Variants in SMAD2 observed in about 807,000 individuals in gnomAD.
SMAD2 encodes the protein MAD homolog 2.
In SMAD2, 8 loss-of-function variants were observed where a neutral mutation model predicts 64.4. That is an observed-to-expected ratio of 0.12 (90% CI 0.07 to 0.22). The LOEUF is 0.22. Among genes scored for constraint, SMAD2 ranks in the 10% least tolerant of loss-of-function variants. The pLI, the probability that SMAD2 is intolerant of heterozygous loss-of-function variation, is 1.00. For synonymous variants in SMAD2, 203 were observed against 195.8 expected (o/e 1.04, Z -0.31); for missense variants, 289 against 561.2 (o/e 0.51, Z 4.90).
chr18:47,861,094 G>A (rs181672533), intron 6 of SMAD2, among the ~76,000 whole-genome samples: 3 of 152,256 alleles, frequency 2.0e-5, no homozygotes, highest in South Asian at 2.1e-4. Flanking sequence ...AGTGGCTCAC[G>A]GCTGTAATCC....
intron 6 of SMAD2, among the ~76,000 whole-genome samples, chr18:47,864,721 G>A (rs1372273525): frequency 6.6e-6 from 1 of 151,994 alleles, no homozygotes; most frequent in Non-Finnish European, 1.5e-5. Flanking sequence ...GAGTAATTAT[G>A]GTTTTTTATC....
At position 47,832,899 on chromosome 18, in the gene SMAD2, G is replaced by A. The variant is rs964171485; in HGVS notation, c.*8928C>T. 4 of 156,196 alleles carry A rather than the reference G, an allele frequency of 2.6e-5. No homozygotes were observed. The highest frequency in any genetic ancestry group is 5.7e-5 in the Non-Finnish European group (4 of 70,726). 9.7% of individuals were successfully genotyped at this position (156,196 alleles called of 1,614,324 possible). On this transcript the variant is annotated 3_prime_UTR_variant, in exon 11 of 11. Coordinates refer to ENST00000262160, the MANE Select transcript of SMAD2 (RefSeq NM_005901.6). ...AGTAGTATAAATTTATCTCCCGGGGGGATAGGATAATCTTTTATGTAACAC... is the reference window on the plus strand; with the variant it reads ...AGTAGTATAAATTTATCTCCCGGGGAGATAGGATAATCTTTTATGTAACAC...
intron 7 of SMAD2, 57 bp downstream of exon 7, chr18:47,851,217 A>C: frequency 8.3e-7 from 1 of 1,198,250 alleles, no homozygotes; most frequent in Non-Finnish European, 1.2e-6. Context: ...GATGATTTTT[A>C]TTATTAAGTA....
intron 1 of SMAD2, among the ~76,000 whole-genome samples, chr18:47,919,556 G>A (rs2034482591): frequency 6.7e-6 from 1 of 149,076 alleles, no homozygotes; most frequent in African/African-American, 2.5e-5. Flanking sequence ...AAAAAATGAA[G>A]GCAATCCCTA....
intron 2 of SMAD2, chr18:47,887,018 G>C (rs1379681286): frequency 1.3e-5 from 2 of 151,292 alleles, no homozygotes; most frequent in Admixed American, 6.6e-5. Flanking sequence ...TATTCTTCCT[G>C]TCCCCAGCAA....
chr18:47,889,858 G>A (rs1310894829), intron 2 of SMAD2, among the ~76,000 whole-genome samples: 1 of 152,072 alleles, frequency 6.6e-6, no homozygotes, highest in African/African-American at 2.4e-5. Flanking sequence ...TTTTAGCTAG[G>A]TTGACTCTTT....
intron 2 of SMAD2, among the ~76,000 whole-genome samples, chr18:47,879,696 C>T (rs1598822954): frequency 6.6e-6 from 1 of 152,026 alleles, no homozygotes; most frequent in East Asian, 1.9e-4. Context: ...CTCGGGTAAA[C>T]ACCTAGAAGT....
In SMAD2 at chr18:47,869,231, C is replaced by G. The variant is rs2144377254; in HGVS notation, c.520+12G>C. ...AATTCAAAACCAAGAAAAAAACTTG[C>G]AATATTCCTACCTGGTGTCTCAACT... On this transcript the variant is annotated intron_variant, in intron 4 of 10. Transcript: ENST00000262160. 1.2e-6 allele frequency: 2 copies of G among 1,603,076 alleles called. No individual in the cohort carries two copies. The highest frequency in any genetic ancestry group is 2.2e-5 in the East Asian group (1 of 44,794).
chr18:47,822,275 A>G lies in SMAD2; in HGVS notation c.*19552T>C, dbSNP rs1412699051. Reference sequence around the variant, plus strand: ...CAGATTTTTAATCATGGTTATTCTAAGTTTTTGTAATTCCCAGTTATTGCT... The same window carrying G: ...CAGATTTTTAATCATGGTTATTCTAGGTTTTTGTAATTCCCAGTTATTGCT... On this transcript the variant is annotated 3_prime_UTR_variant, in exon 11 of 11. Coordinates refer to ENST00000262160, the MANE Select transcript of SMAD2 (RefSeq NM_005901.6). 1 of 152,164 alleles carries G rather than the reference A, an allele frequency of 6.6e-6. No individual in the cohort carries two copies. Among genetic ancestry groups the G allele is most frequent in the African/African-American group, 2.4e-5 (1 of 41,440 alleles). 9.4% of individuals were successfully genotyped at this position (152,164 alleles called of 1,614,324 possible). A position where few individuals can be genotyped will look rare whatever the true frequency, so the allele number is the denominator to read the frequency against.
At chr18:47,899,062 A>G (rs1293578746) in intron 1 of SMAD2, among the ~76,000 whole-genome samples, 1 of 152,166 alleles carries the variant, frequency 6.6e-6, no homozygotes, top group Non-Finnish European at 1.5e-5. Flanking sequence ...TTAAGGGCAG[A>G]GAGATCAACC....
At chr18:47,875,307 T>C (rs1019421062) in intron 2 of SMAD2, among the ~76,000 whole-genome samples, 3 of 152,164 alleles carry the variant, frequency 2.0e-5, no homozygotes, top group Non-Finnish European at 2.9e-5. Context: ...CTAACCACAA[T>C]GTATTTCCCA....
chr18:47,820,698 A>C lies in SMAD2; in HGVS notation c.*21129T>G, dbSNP rs529424234. 1.2e-4 allele frequency: 19 copies of C among 152,346 alleles called. No individual in the cohort carries two copies. The highest frequency in any genetic ancestry group is 2.2e-4 in the Non-Finnish European group (15 of 68,014). The allele number at this position is 152,346 out of a possible 1,614,324, so 9.4% of individuals were successfully genotyped here. ...AGCATGTCACTGAAGGTCTGTGCAG[A>C]TCATGAAATGTTCATGAAGGATACA... On this transcript the variant is annotated 3_prime_UTR_variant, in exon 11 of 11. Coordinates refer to ENST00000262160, the MANE Select transcript of SMAD2 (RefSeq NM_005901.6).
At chr18:47,856,811 T>C (rs1294198387) in intron 6 of SMAD2, among the ~76,000 whole-genome samples, 1 of 152,108 alleles carries the variant, frequency 6.6e-6, no homozygotes, top group East Asian at 1.9e-4. Context: ...TAGATGCAAT[T>C]ACATATAATG....
At chr18:47,882,465 G>C (rs2032664655) in intron 2 of SMAD2, 1 of 152,608 alleles carries the variant, frequency 6.6e-6, no homozygotes, top group Non-Finnish European at 1.5e-5. Flanking sequence ...CCAAAGTGCT[G>C]GGATTACAGG....
At chr18:47,848,248 C>T (rs1171225008) in intron 8 of SMAD2, among the ~76,000 whole-genome samples, 1 of 152,152 alleles carries the variant, frequency 6.6e-6, no homozygotes, top group African/African-American at 2.4e-5. Context: ...TATTGAAGAA[C>T]TTTCCAGTAC....
chr18:47,891,427 A>G (rs560165465), intron 2 of SMAD2, among the ~76,000 whole-genome samples: 2 of 152,300 alleles, frequency 1.3e-5, no homozygotes, highest in East Asian at 1.9e-4. Context: ...GGTGATGAAA[A>G]AACAGGGGTG....
At chr18:47,902,530 G>A (rs1000469431) in intron 1 of SMAD2, among the ~76,000 whole-genome samples, 2 of 152,122 alleles carry the variant, frequency 1.3e-5, no homozygotes, top group African/African-American at 4.8e-5. Context: ...GTTAAGATTT[G>A]AGAACAGGAA....
rs902405611 is a variant in SMAD2 at position 47,809,119 on chromosome 18, A to G, written c.*32708T>C. 14 of 152,326 alleles carry G rather than the reference A, an allele frequency of 9.2e-5. No individual in the cohort carries two copies. The highest frequency in any genetic ancestry group is 6.5e-5 in the Admixed American group (1 of 15,286). The allele number at this position is 152,326 out of a possible 1,614,324, so 9.4% of individuals were successfully genotyped here. On this transcript the variant is annotated 3_prime_UTR_variant, in exon 11 of 11. Transcript: ENST00000262160. ...TCTCAGCAGCAGTTCTCAACAACAG[A>G]TCACAGAAACAAGGCTGTCCTCCTC...
chr18:47,869,579 C>T, intron 3 of SMAD2, 143 bp from the exon 4 acceptor site: 1 of 663,026 alleles, frequency 1.5e-6, no homozygotes. Context: ...GAATCAAGAA[C>T]AAAAATGTAC....
Sources: allele counts gnomAD v4.1 joint callset (sites outside exome capture counted in the v4.1 genomes callset), GRCh38; gene constraint gnomAD v4.1.1; transcripts MANE v1.5; gene names NCBI Gene and HGNC (gene_info 2026-07-23, HGNC 2026-07-21).